ZNF674: variants seen among roughly 807,000 people sequenced by gnomAD.
The protein encoded by ZNF674 is zinc finger family member 674.
ZNF674 carries 2 observed loss-of-function variants against 7.0 expected under a neutral mutation model. That is an observed-to-expected ratio of 0.29 (90% confidence interval 0.12 to 0.90). The LOEUF is 0.90. ZNF674 is among the 40% of genes least tolerant of loss of function. ZNF674 has a pLI of 0.57. For synonymous variants in ZNF674, 103 were observed against 145.2 expected (o/e 0.71, Z 2.09); for missense variants, 297 against 415.5 (o/e 0.71, Z 2.48).
At position 46,528,362 on chromosome X, in the gene ZNF674, G is replaced by A. The variant is rs202006634; in HGVS notation, c.226C>T (p.Arg76Trp). 115 of 1,209,515 alleles carry A rather than the reference G, an allele frequency of 9.5e-5. No homozygotes were observed. The highest frequency in any genetic ancestry group is 1.2e-4 in the Non-Finnish European group (103 of 895,063). The change falls in exon 5 of 6, where the codon CGG (arginine) becomes TGG (tryptophan). Residue 76 changes from arginine (R) to tryptophan (W), a missense_variant. Coordinates refer to ENST00000683375, the MANE Select transcript of ZNF674 (RefSeq NM_001190417.2). ...GGCCTGTCCTCACCTGCACAGGTCC[G>A]TACCGGGGTCCCTCCATCTGCCATC... ...SWMADGGTPV[R>W]TCAEVWEVDE...
At chrX:46,522,593 G>C (rs1338712046) in intron 5 of ZNF674, among the ~76,000 whole-genome samples, 1 of 111,921 alleles carries the variant, frequency 8.9e-6, no homozygotes, top group African/African-American at 3.2e-5. Context: ...AAGCCCAGGA[G>C]TTCAAGCCTG....
At chrX:46,509,295 A>G (rs1195432823) in intron 5 of ZNF674, among the ~76,000 whole-genome samples, 33 of 107,675 alleles carry the variant, frequency 3.1e-4, no homozygotes, top group African/African-American at 1.1e-3. Context: ...AATGGGATCT[A>G]ATTAAACTAA....
rs1941426880 is a variant in ZNF674 at position 46,501,385 on chromosome X, AT to A, written c.239-51del. 4 of 1,128,536 alleles carry A rather than the reference AT, an allele frequency of 3.5e-6. No homozygotes were observed. In the Admixed American group the frequency reaches 9.4e-5, roughly 26 times the overall value. The allele number at this position is 1,128,536 out of a possible 1,213,427, so 93.0% of individuals were successfully genotyped here. On this transcript the variant is annotated intron_variant, in intron 5 of 5. Coordinates refer to ENST00000683375, the MANE Select transcript of ZNF674 (RefSeq NM_001190417.2). The stretch of plus-strand genomic sequence containing the variant: ...CAAACTTGTCTTCCCACTATAATTT[AT>A]GAAATAACTAATCCCTAAATGCCCA...
intron 5 of ZNF674, among the ~76,000 whole-genome samples, chrX:46,505,295 T>C (rs1051311989): frequency 6.2e-5 from 7 of 112,139 alleles, no homozygotes; most frequent in Non-Finnish European, 3.8e-5. Context: ...TTTTTTGCAG[T>C]TTTAAAAGAA....
chrX:46,524,344 A>G (rs937900969), intron 5 of ZNF674, among the ~76,000 whole-genome samples: 4 of 111,769 alleles, frequency 3.6e-5, no homozygotes, highest in African/African-American at 9.7e-5. Context: ...CAAAGGAATG[A>G]TAGGTCATTA....
intron 5 of ZNF674, 118 bp downstream of exon 5, chrX:46,528,231 TA>T: frequency 1.4e-6 from 1 of 715,468 alleles, no homozygotes; most frequent in Non-Finnish European, 2.2e-6. Context: ...CATCAGAGCC[TA>T]GGCATGTCCA....
chrX:46,529,306 T>C, intron 3 of ZNF674: 2 of 179,352 alleles, frequency 1.1e-5, no homozygotes, highest in Non-Finnish European at 1.1e-5. Context: ...ACCCTGGAAA[T>C]TCATTCATTC....
chrX:46,512,278 T>A (rs766175569), intron 5 of ZNF674, among the ~76,000 whole-genome samples: 6 of 101,424 alleles, frequency 5.9e-5, no homozygotes, highest in Admixed American at 2.1e-4. Flanking sequence ...AGGAGAATCA[T>A]CTGAACCTGG....
rs138240110 is a variant in ZNF674 at position 46,515,054 on chromosome X, A to C, written c.238+13296T>G. Among the ~76,000 whole-genome samples the C allele has an allele frequency of 7.7e-3, 860 of 111,943 alleles. 6 individuals carry two copies. The highest frequency in any genetic ancestry group is 0.027 in the African/African-American group (819 of 30,829). ...TTATACTAATAAATTTGACAGACGA[A>C]ACTGATAAACTCCTTGAAAGACACA... is the stretch of plus-strand genomic sequence containing the variant. On this transcript the variant is annotated intron_variant, in intron 5 of 5. Coordinates refer to ENST00000683375, the MANE Select transcript of ZNF674 (RefSeq NM_001190417.2).
chrX:46,515,306 T>C (rs1374639266), intron 5 of ZNF674, among the ~76,000 whole-genome samples: 1 of 107,818 alleles, frequency 9.3e-6, no homozygotes. Flanking sequence ...GAGGCAGAGA[T>C]TGCAGTGAGC....
intron 5 of ZNF674, among the ~76,000 whole-genome samples, chrX:46,519,266 AGATAGAT>A (rs1474753023): frequency 4.5e-4 from 32 of 70,742 alleles, no homozygotes; most frequent in African/African-American, 2.0e-3. Flanking sequence ...AGATAGATAA[AGATAGAT>A]GATAGATAGA....
In ZNF674 at chrX:46,506,415, GAAA is replaced by G. The variant is rs34632622; in HGVS notation, c.239-5083_239-5081del. On this transcript the variant is annotated intron_variant, in intron 5 of 5. Coordinates refer to ENST00000683375, the MANE Select transcript of ZNF674 (RefSeq NM_001190417.2). ...CCTGTAGCATCTTGGCTTTGCATGGGAAAAAAAAAAAAAAAACTATCCCTGTGG... is the reference window on the plus strand; with the variant it reads ...CCTGTAGCATCTTGGCTTTGCATGGGAAAAAAAAAAAAACTATCCCTGTGG... Among the ~76,000 whole-genome samples, 396 of 90,407 alleles carry G rather than the reference GAAA, an allele frequency of 4.4e-3. 4 individuals carry two copies. Among genetic ancestry groups the G allele is most frequent in the African/African-American group, 0.016 (381 of 24,366 alleles). The allele number at this position is 90,407 out of a possible 115,157, so 78.5% of individuals were successfully genotyped here. A position where few individuals can be genotyped will look rare whatever the true frequency, so the allele number is the denominator to read the frequency against.
At chrX:46,517,905 C>A (rs1941798139) in intron 5 of ZNF674, 1 of 110,362 alleles carries the variant, frequency 9.1e-6, no homozygotes. Flanking sequence ...GGGATGGATA[C>A]CCCATTCACT....
At position 46,500,254 on chromosome X, in the gene ZNF674, T is replaced by A; in HGVS notation, c.1320A>T (p.Arg440Ser). The A allele has an allele frequency of 8.3e-7, 1 of 1,209,788 alleles. No individual in the cohort carries two copies. Among genetic ancestry groups the A allele is most frequent in the Non-Finnish European group, 1.1e-6 (1 of 894,597 alleles). The change falls in exon 6 of 6, where the codon AGA becomes AGT. Residue 440 changes from arginine to serine, a missense_variant. Coordinates refer to ENST00000683375, the MANE Select transcript of ZNF674 (RefSeq NM_001190417.2). ...ACTTCTCCCCAAAGGCTTTCCCACA[T>A]CTTCTGCATTCATAAGGTTTCTCTC... ...HTGEKPYECR[R>S]CGKAFGEKST... is the part of the protein sequence containing the mutation.
At chrX:46,510,031 T>A (rs1941620833) in intron 5 of ZNF674, among the ~76,000 whole-genome samples, 1 of 106,795 alleles carries the variant, frequency 9.4e-6, no homozygotes, top group Non-Finnish European at 1.9e-5. Context: ...CAGTAAACTA[T>A]CACAAGAACA....
At chrX:46,528,235 C>T in intron 5 of ZNF674, 115 bp downstream of exon 5, 1 of 728,582 alleles carries the variant, frequency 1.4e-6, no homozygotes, top group Admixed American at 2.4e-5. Flanking sequence ...AGAGCCTAGG[C>T]ATGTCCACAA....
chrX:46,503,261 C>T (rs1485193114), intron 5 of ZNF674, among the ~76,000 whole-genome samples: 1 of 112,114 alleles, frequency 8.9e-6, no homozygotes, highest in Non-Finnish European at 1.9e-5. Flanking sequence ...CATCTTAGAA[C>T]TCTATACCCA....
intron 2 of ZNF674, among the ~76,000 whole-genome samples, chrX:46,543,023 T>TC (rs1158739937): frequency 1.8e-5 from 2 of 111,379 alleles, no homozygotes; most frequent in Non-Finnish European, 3.8e-5. Context: ...TGATCTCAGC[T>TC]CACTGCAACC....
intron 5 of ZNF674, chrX:46,527,832 C>T (rs1462037483): frequency 3.9e-5 from 5 of 128,278 alleles, no homozygotes; most frequent in Non-Finnish European, 7.6e-5. Flanking sequence ...GTAAAGGTCA[C>T]CAGCAAAGCT....
Sources: allele counts gnomAD v4.1 joint callset (sites outside exome capture counted in the v4.1 genomes callset), GRCh38; gene constraint gnomAD v4.1.1; transcripts MANE v1.5; gene names NCBI Gene and HGNC (gene_info 2026-07-23, HGNC 2026-07-21).